FNDC3B: variants seen among roughly 807,000 people sequenced by gnomAD.
FNDC3B encodes the protein fibronectin type III domain-containing protein 3B.
A neutral mutation model predicts 151.5 loss-of-function variants in FNDC3B; 12 were observed. The ratio of observed to expected loss-of-function variants is 0.08; its 90% CI spans 0.05 to 0.13. The LOEUF is 0.13. FNDC3B is among the 10% of genes least tolerant of loss of function. The probability of loss-of-function intolerance (pLI) is 1.00; values close to 1 mark genes in which losing one functional copy is unlikely to be tolerated. For synonymous variants in FNDC3B, 528 were observed against 549.0 expected (o/e 0.96, Z 0.54); for missense variants, 1,214 against 1,505.3 (o/e 0.81, Z 3.20).
chr3:172,303,329 T>C lies in FNDC3B; in HGVS notation c.1062-4034T>C, dbSNP rs1731029743. Among the ~76,000 whole-genome samples the C allele has an allele frequency of 2.0e-5, 3 of 152,308 alleles. No homozygotes were observed. In the South Asian group the frequency reaches 6.2e-4, roughly 32 times the overall value. On this transcript the variant is annotated intron_variant, in intron 9 of 25. Transcript: ENST00000415807. The stretch of plus-strand genomic sequence containing the variant: ...CGCCTAAACAATTTGGCAAACAAGT[T>C]GCCCAGAGATGATATCATATAATGA...
chr3:172,258,629 T>C (rs1728491465), intron 6 of FNDC3B, among the ~76,000 whole-genome samples: 1 of 152,166 alleles, frequency 6.6e-6, no homozygotes, highest in African/African-American at 2.4e-5. Flanking sequence ...AGTCTATCCT[T>C]TTGCTGAATG....
chr3:172,339,654 A>G lies in FNDC3B; in HGVS notation c.1853-1459A>G, dbSNP rs149762342. 1.6e-4 allele frequency among the ~76,000 whole-genome samples: 24 copies of G among 152,358 alleles called. No individual in the cohort carries two copies. In the East Asian group the frequency reaches 4.6e-3, roughly 29 times the overall value. ...CCCAACTAGGTTAGAAGTCATGTAT[A>G]TGCCAGTGGCTCGTTGTGAATATTT... On this transcript the variant is annotated intron_variant, in intron 16 of 25. Transcript: ENST00000415807.
chr3:172,256,150 C>T (rs1234843703), intron 6 of FNDC3B, among the ~76,000 whole-genome samples: 1 of 152,220 alleles, frequency 6.6e-6, no homozygotes, highest in African/African-American at 2.4e-5. Flanking sequence ...CTTCACATTT[C>T]CCCACCAGAC....
intron 3 of FNDC3B, among the ~76,000 whole-genome samples, chr3:172,193,849 A>G (rs1724687295): frequency 1.3e-5 from 2 of 152,318 alleles, no homozygotes; most frequent in South Asian, 4.1e-4. Flanking sequence ...AAGTGTTCAC[A>G]CTGAAGGGTG....
chr3:172,210,193 G>A (rs6764098), intron 3 of FNDC3B, among the ~76,000 whole-genome samples: 3,315 of 152,130 alleles, frequency 0.022, 126 homozygotes, highest in African/African-American at 0.075. Context: ...CCCAGCCCCC[G>A]CCAGCTCCAC....
intron 25 of FNDC3B, among the ~76,000 whole-genome samples, chr3:172,382,330 G>T (rs1735492259): frequency 6.6e-6 from 1 of 151,984 alleles, no homozygotes; most frequent in Admixed American, 6.5e-5. Flanking sequence ...TTTTTTTCTT[G>T]TAAATTTGTG....
chr3:172,399,252 T>A lies in FNDC3B; in HGVS notation c.*1777T>A, dbSNP rs1736445221. On this transcript the variant is annotated 3_prime_UTR_variant, in exon 26 of 26. Coordinates refer to ENST00000415807, the MANE Select transcript of FNDC3B (RefSeq NM_022763.4). ...AGTGTACTTATGTACTAATTTTCCC[T>A]TGTAGCATGTTATATTTTTGTGTTT... The A allele has an allele frequency of 6.5e-6, 1 of 152,678 alleles. No homozygotes were observed. The highest frequency in any genetic ancestry group is 2.4e-5 in the African/African-American group (1 of 41,460). The allele number at this position is 152,678 out of a possible 1,614,324, so 9.5% of individuals were successfully genotyped here.
At chr3:172,170,982 AG>A (rs1723251525) in intron 3 of FNDC3B, among the ~76,000 whole-genome samples, 1 of 152,214 alleles carries the variant, frequency 6.6e-6, no homozygotes, top group Non-Finnish European at 1.5e-5. Flanking sequence ...CAGAAAATAA[AG>A]GGACTCCTTG....
chr3:172,161,293 C>G (rs1284018081), intron 3 of FNDC3B, among the ~76,000 whole-genome samples: 1 of 152,206 alleles, frequency 6.6e-6, no homozygotes, highest in Admixed American at 6.5e-5. Context: ...CATATGAAGT[C>G]AAGAAAGCAC....
At chr3:172,070,987 A>G (rs1305622683) in intron 1 of FNDC3B, among the ~76,000 whole-genome samples, 1 of 152,180 alleles carries the variant, frequency 6.6e-6, no homozygotes, top group Admixed American at 6.5e-5. Flanking sequence ...GGATTATGCA[A>G]TTTCTAACTA....
Position 172,397,357 on chromosome 3 carries a change from A to G in FNDC3B, c.3497A>G (p.Asp1166Gly). Residue 1166 changes from aspartate (D) to glycine (G), a missense_variant, in exon 26 of 26, where the codon GAT becomes GGT. Coordinates refer to ENST00000415807, the MANE Select transcript of FNDC3B (RefSeq NM_022763.4). The part of the protein sequence containing the change: ...MLTGDMGSLD[D>G]PKMKSMMPTD... The stretch of plus-strand genomic sequence containing the variant: ...ACAGGGGACATGGGGAGCTTAGATG[A>G]TCCCAAAATGAAGAGCATGATGCCT... The G allele has an allele frequency of 3.1e-6, 5 of 1,614,164 alleles. No individual in the cohort carries two copies. Among genetic ancestry groups the G allele is most frequent in the Non-Finnish European group, 4.2e-6 (5 of 1,179,980 alleles).
intron 1 of FNDC3B, among the ~76,000 whole-genome samples, chr3:172,047,415 T>C (rs577658303): frequency 6.6e-6 from 1 of 152,238 alleles, no homozygotes; most frequent in African/African-American, 2.4e-5. Context: ...GCCTATTCTG[T>C]ATGAAAAGGT....
At chr3:172,068,709 G>A (rs938829311) in intron 1 of FNDC3B, among the ~76,000 whole-genome samples, 2 of 152,162 alleles carry the variant, frequency 1.3e-5, no homozygotes, top group African/African-American at 2.4e-5. Context: ...ACAGGCATGA[G>A]CCACCGTGCC....
At chr3:172,287,655 C>G (rs1276205225) in intron 7 of FNDC3B, among the ~76,000 whole-genome samples, 2 of 152,204 alleles carry the variant, frequency 1.3e-5, no homozygotes, top group Admixed American at 6.5e-5. Flanking sequence ...ATAGTCGCTT[C>G]TTAATCATGT....
intron 7 of FNDC3B, among the ~76,000 whole-genome samples, chr3:172,287,731 T>G (rs1730102682): frequency 6.6e-6 from 1 of 152,198 alleles, no homozygotes; most frequent in Non-Finnish European, 1.5e-5. Context: ...TGACAGAATC[T>G]CTGTTTCTTG....
chr3:172,368,160 C>T (rs1734718606), intron 23 of FNDC3B, among the ~76,000 whole-genome samples: 1 of 151,800 alleles, frequency 6.6e-6, no homozygotes, highest in Non-Finnish European at 1.5e-5. Context: ...GTCCCAGCTA[C>T]TCCGGAGGCT....
chr3:172,105,940 T>C (rs770847977), intron 1 of FNDC3B, among the ~76,000 whole-genome samples: 3 of 152,268 alleles, frequency 2.0e-5, no homozygotes, highest in Admixed American at 6.5e-5. Context: ...GCAAAATGTT[T>C]ACATGTTGTT....
At chr3:172,092,256 A>C (rs568342028) in intron 1 of FNDC3B, among the ~76,000 whole-genome samples, 1 of 152,272 alleles carries the variant, frequency 6.6e-6, no homozygotes, top group East Asian at 1.9e-4. Context: ...GAAGAGATTC[A>C]AGCTAAACGA....
chr3:172,049,220 T>C (rs1482851163), intron 1 of FNDC3B, among the ~76,000 whole-genome samples: 1 of 152,218 alleles, frequency 6.6e-6, no homozygotes, highest in Non-Finnish European at 1.5e-5. Context: ...GGCAGGTATA[T>C]AGTTATTTTT....
Sources: gnomAD v4.1 joint callset for allele counts (sites outside exome capture counted in the v4.1 genomes callset) on GRCh38, gnomAD v4.1.1 for gene constraint, MANE v1.5 for transcripts, NCBI Gene and HGNC (gene_info 2026-07-23, HGNC 2026-07-21) for gene names.